Variants in ARHGAP35 observed in about 807,000 individuals in gnomAD.
ARHGAP35 encodes the protein rho GTPase-activating protein 35.
A neutral mutation model predicts 111.1 loss-of-function variants in ARHGAP35; 15 were observed. That is an observed-to-expected ratio of 0.13 (90% CI 0.09 to 0.21). The LOEUF is 0.21. ARHGAP35 is among the 10% of genes least tolerant of loss of function. The probability of loss-of-function intolerance (pLI) is 1.00; values close to 1 mark genes in which losing one functional copy is unlikely to be tolerated. For synonymous variants in ARHGAP35, 643 were observed against 710.3 expected, an observed-to-expected ratio of 0.91 and a Z score of 1.51; for missense variants, 1,262 against 1,873.0, an observed-to-expected ratio of 0.67 and a Z score of 6.02.
intron 5 of ARHGAP35, among the ~76,000 whole-genome samples, chr19:46,990,961 C>A (rs547967998): frequency 4.6e-5 from 7 of 152,212 alleles, no homozygotes; most frequent in Non-Finnish European, 1.0e-4. Flanking sequence ...GAATTGTTCA[C>A]AGCTCCTGAC....
chr19:46,952,868 G>A (rs924600969), intron 3 of ARHGAP35, among the ~76,000 whole-genome samples: 42 of 152,176 alleles, frequency 2.8e-4, no homozygotes, highest in African/African-American at 1.0e-3. Context: ...TGTAGAGATG[G>A]GGATTCGCCG....
At chr19:46,917,003 CAT>C (rs1276230851) in intron 1 of ARHGAP35, among the ~76,000 whole-genome samples, 3 of 151,696 alleles carry the variant, frequency 2.0e-5, no homozygotes, top group African/African-American at 7.3e-5. Flanking sequence ...ATACACAAAA[CAT>C]AAAACTTGCC....
chr19:46,970,053 C>T (rs1326081507), intron 3 of ARHGAP35, among the ~76,000 whole-genome samples: 3 of 152,136 alleles, frequency 2.0e-5, no homozygotes, highest in South Asian at 4.1e-4. Context: ...AGTAGGCACT[C>T]GGGTATCTAT....
Position 46,861,002 on chromosome 19 carries a change from G to A in ARHGAP35, c.-396G>A, listed in dbSNP as rs1332155421. Among the ~76,000 whole-genome samples the A allele has an allele frequency of 7.2e-6, 1 of 139,838 alleles. No individual in the cohort carries two copies. Among genetic ancestry groups the A allele is most frequent in the African/African-American group, 2.6e-5 (1 of 38,918 alleles). 91.7% of individuals were successfully genotyped at this position (139,838 alleles called of 152,430 possible). A position where few individuals can be genotyped will look rare whatever the true frequency, so the allele number is the denominator to read the frequency against. On this transcript the variant is annotated 5_prime_UTR_variant, in exon 1 of 7. Coordinates refer to ENST00000672722, the MANE Select transcript of ARHGAP35 (RefSeq NM_004491.5). ...CCTTCCCCTCCCCGCCCCCCGCCCCGAGGGAGAGCCGCGGCGCGGCGGCAG... is the reference window on the plus strand; with the variant it reads ...CCTTCCCCTCCCCGCCCCCCGCCCCAAGGGAGAGCCGCGGCGCGGCGGCAG...
At chr19:46,985,038 T>C (rs2056641779) in intron 3 of ARHGAP35, among the ~76,000 whole-genome samples, 1 of 152,232 alleles carries the variant, frequency 6.6e-6, no homozygotes, top group Non-Finnish European at 1.5e-5. Flanking sequence ...CTGGTGCTAT[T>C]TGTCCTGTCA....
At chr19:46,939,771 C>T (rs897723812) in intron 3 of ARHGAP35, among the ~76,000 whole-genome samples, 5 of 152,090 alleles carry the variant, frequency 3.3e-5, no homozygotes, top group Admixed American at 1.3e-4. Flanking sequence ...TCTTATAGAA[C>T]CACTGTGCAT....
intron 1 of ARHGAP35, among the ~76,000 whole-genome samples, chr19:46,897,060 A>ATTT (rs61692635): frequency 3.7e-5 from 5 of 133,634 alleles, no homozygotes; most frequent in African/African-American, 5.6e-5. Context: ...CACCTGGCTA[A>ATTT]TTTTTTTTTT....
In ARHGAP35 at chr19:46,919,372, A is replaced by G; in HGVS notation, c.697A>G (p.Asn233Asp). 1 of 1,613,976 alleles carries G rather than the reference A, an allele frequency of 6.2e-7. No individual in the cohort carries two copies. Among genetic ancestry groups the G allele is most frequent in the Non-Finnish European group, 8.5e-7 (1 of 1,179,884 alleles). The change falls in exon 2 of 7, where the codon AAT (asparagine) becomes GAT (aspartate). Residue 233 changes from asparagine (N) to aspartate (D), a missense_variant. Asn to Asp is a conservative substitution (Grantham distance 23). Around this residue, in one of 8 missense-constraint regions of ARHGAP35, gnomAD observed 125 missense variants for 301.7 expected, o/e 0.41. Coordinates refer to ENST00000672722, the MANE Select transcript of ARHGAP35 (RefSeq NM_004491.5). This position sits in a 1 kb window ranked among gnomAD's most constrained non-coding sequence, Gnocchi z 6.2. ...LQVVETSARS[N>D]VNVDLAFSTL... The stretch of plus-strand genomic sequence containing the variant: ...GGTTGTGGAGACCTCAGCGAGATCC[A>G]ATGTAAACGTGGACTTGGCTTTCAG...
chr19:46,928,310 G>T (rs1297232328), intron 2 of ARHGAP35, among the ~76,000 whole-genome samples: 1 of 152,126 alleles, frequency 6.6e-6, no homozygotes, highest in East Asian at 1.9e-4. Flanking sequence ...AGCCAACTTG[G>T]TCTCCTCCAC....
intron 5 of ARHGAP35, among the ~76,000 whole-genome samples, chr19:46,995,775 G>A (rs1036889601): frequency 1.1e-4 from 17 of 152,266 alleles, no homozygotes; most frequent in Non-Finnish European, 2.5e-4. Context: ...GGCTGCAGCT[G>A]GAGCCTAGAG....
chr19:46,890,721 T>C (rs1299389732), intron 1 of ARHGAP35, among the ~76,000 whole-genome samples: 2 of 152,156 alleles, frequency 1.3e-5, no homozygotes, highest in Non-Finnish European at 2.9e-5. Context: ...ACTGGAGAGG[T>C]ACAGTTGGAA....
intron 3 of ARHGAP35, among the ~76,000 whole-genome samples, chr19:46,967,282 T>TA (rs1344693463): frequency 6.6e-6 from 1 of 152,126 alleles, no homozygotes; most frequent in African/African-American, 2.4e-5. Context: ...CCCTCACCGT[T>TA]ACCATTTGCG....
chr19:46,940,191 C>G (rs2056338198), intron 3 of ARHGAP35, among the ~76,000 whole-genome samples: 3 of 152,012 alleles, frequency 2.0e-5, no homozygotes, highest in Non-Finnish European at 4.4e-5. Context: ...GAAACCCAGT[C>G]TCTACTAAAA....
Position 46,922,162 on chromosome 19 carries a change from A to G in ARHGAP35, c.3487A>G (p.Thr1163Ala). Residue 1163 changes from threonine to alanine, a missense_variant, in exon 2 of 7, where the codon ACC becomes GCC. Coordinates refer to ENST00000672722, the MANE Select transcript of ARHGAP35 (RefSeq NM_004491.5). This position sits in a 1 kb window ranked among gnomAD's most constrained non-coding sequence, Gnocchi z 4.0. ...SKPVLYRTRC[T>A]RLGRFASYRT... is the part of the protein sequence containing the mutation. ...GCCAGTGCTGTACAGGACGAGATGC[A>G]CCCGGCTGGGGCGGTTTGCTAGTTA... The G allele has an allele frequency of 6.2e-7, 1 of 1,613,934 alleles. No homozygotes were observed. The highest frequency in any genetic ancestry group is 8.5e-7 in the Non-Finnish European group (1 of 1,179,876).
In ARHGAP35 at chr19:46,989,281, C is replaced by T. The variant is rs2056667247; in HGVS notation, c.3905-263C>T. On this transcript the variant is annotated intron_variant, in intron 4 of 6. Coordinates refer to ENST00000672722, the MANE Select transcript of ARHGAP35 (RefSeq NM_004491.5). The surrounding 1 kb of genome is among the most constrained non-coding windows in gnomAD (Gnocchi z 5.3). ...GAAGGCAAGCTCCTGGCACCAAAAA[C>T]CAGCATGTGGGGGTAGCACCCCTGC... 2.9e-6 allele frequency: 1 copy of T among 349,570 alleles called. No individual in the cohort carries two copies. Among genetic ancestry groups the T allele is most frequent in the Non-Finnish European group, 5.5e-6 (1 of 183,208 alleles). 21.7% of individuals were successfully genotyped at this position (349,570 alleles called of 1,614,324 possible). A position where few individuals can be genotyped will look rare whatever the true frequency, so the allele number is the denominator to read the frequency against.
rs201565056 is a variant in ARHGAP35, at chr19:46,921,349, G to T, written c.2674G>T (p.Ala892Ser). Residue 892 changes from alanine (A) to serine (S), a missense_variant, in exon 2 of 7, where the codon GCT becomes TCT. By Grantham distance (99) the Ala-to-Ser change is moderately conservative. This residue lies in a region of ARHGAP35 where 579 missense variants were observed against 716.9 expected (regional missense o/e 0.81). Coordinates refer to ENST00000672722, the MANE Select transcript of ARHGAP35 (RefSeq NM_004491.5). This position sits in a 1 kb window ranked among gnomAD's most constrained non-coding sequence, Gnocchi z 4.3. Reference protein sequence around the residue: ...PIQLVALTDGAVDVLDNDLSR... With the variant: ...PIQLVALTDGSVDVLDNDLSR... ...TCAGCTTGTAGCACTCACTGATGGC[G>T]CTGTAGATGTCCTGGACAATGACTT... 6.2e-7 allele frequency: 1 copy of T among 1,613,798 alleles called. No individual in the cohort carries two copies. Among genetic ancestry groups the T allele is most frequent in the African/African-American group, 1.3e-5 (1 of 74,870 alleles).
At chr19:46,998,830 G>A (rs2056730122) in intron 5 of ARHGAP35, among the ~76,000 whole-genome samples, 1 of 152,224 alleles carries the variant, frequency 6.6e-6, no homozygotes, top group Non-Finnish European at 1.5e-5. Context: ...GACGGTCCCT[G>A]TGTCTCTAGG....
chr19:46,959,112 T>C (rs1369032391), intron 3 of ARHGAP35, among the ~76,000 whole-genome samples: 1 of 152,210 alleles, frequency 6.6e-6, no homozygotes, highest in African/African-American at 2.4e-5. Flanking sequence ...AAGGTTTTAC[T>C]TCACTGCCCA....
At position 46,945,300 on chromosome 19, in the gene ARHGAP35, C is replaced by A. The variant is rs1199024727; in HGVS notation, c.3826+7892C>A. On this transcript the variant is annotated intron_variant, in intron 3 of 6. Coordinates refer to ENST00000672722, the MANE Select transcript of ARHGAP35 (RefSeq NM_004491.5). The surrounding 1 kb of genome is among the most constrained non-coding windows in gnomAD (Gnocchi z 4.1). ...AAAATTGGTTGAGGCAATGGAGTCA[C>A]TGCTCCCTTCTGCAGCAGTGTGGCT... 6.6e-6 allele frequency among the ~76,000 whole-genome samples: 1 copy of A among 152,208 alleles called. No individual in the cohort carries two copies. Among genetic ancestry groups the A allele is most frequent in the African/African-American group, 2.4e-5 (1 of 41,444 alleles).
Sources: allele counts gnomAD v4.1 joint callset (sites outside exome capture counted in the v4.1 genomes callset), GRCh38; gene constraint gnomAD v4.1.1; regional missense constraint gnomAD v4.1.1; non-coding constraint Gnocchi (gnomAD v3.1); transcripts MANE v1.5; gene names NCBI Gene and HGNC (gene_info 2026-07-23, HGNC 2026-07-21).